Variants in TMCO4 observed in about 807,000 individuals in gnomAD.
The protein encoded by TMCO4 is transmembrane and coiled-coil domains 4, also known as transmembrane and coiled-coil domain-containing protein 4.
In TMCO4, 58 loss-of-function variants were observed where a neutral mutation model predicts 64.7. The ratio of observed to expected loss-of-function variants is 0.90; its 90% CI spans 0.73 to 1.12. The LOEUF (loss-of-function observed/expected upper bound fraction) is 1.12, where lower values mean the gene tolerates loss of function less well. TMCO4 is among the 50% of genes most tolerant of loss of function. TMCO4 has a pLI of 0.00. For missense variants in TMCO4, 780 were observed against 825.9 expected (o/e 0.94, Z 0.68); for synonymous variants, 325 against 346.1 (o/e 0.94, Z 0.68).
At chr1:19,729,999 C>T (rs1219742119) in intron 13 of TMCO4, among the ~76,000 whole-genome samples, 1 of 152,102 alleles carries the variant, frequency 6.6e-6, no homozygotes, top group African/African-American at 2.4e-5. Context: ...ACTTCACGGG[C>T]TCTTGTGAGA....
Position 19,732,308 on chromosome 1 carries a change from G to T in TMCO4, c.1264+5064C>A, listed in dbSNP as rs978761146. Among the ~76,000 whole-genome samples the T allele has an allele frequency of 3.9e-5, 6 of 151,942 alleles. No individual in the cohort carries two copies. Among genetic ancestry groups the T allele is most frequent in the Non-Finnish European group, 8.8e-5 (6 of 67,962 alleles). On this transcript the variant is annotated intron_variant, in intron 13 of 15. Coordinates refer to ENST00000294543, the MANE Select transcript of TMCO4 (RefSeq NM_181719.7). The surrounding 1 kb of genome is among the most constrained non-coding windows in gnomAD (Gnocchi z 4.8). ...TGCCTCAGCCTCCCAAGTAGCTGGG[G>T]CTACATGCACGTGCCACCATGCCTG...
At chr1:19,712,421 C>A (rs2100689072) in intron 13 of TMCO4, among the ~76,000 whole-genome samples, 1 of 151,914 alleles carries the variant, frequency 6.6e-6, no homozygotes, top group Admixed American at 6.5e-5. Flanking sequence ...GAGTTCGAGA[C>A]CAGCCTGGCC....
chr1:19,776,894 G>A (rs1355102587), intron 4 of TMCO4, among the ~76,000 whole-genome samples: 1 of 152,044 alleles, frequency 6.6e-6, no homozygotes, highest in Non-Finnish European at 1.5e-5. Flanking sequence ...AGGCATGGTG[G>A]CGTGCGCCTG....
intron 13 of TMCO4, among the ~76,000 whole-genome samples, chr1:19,736,327 T>C (rs1323844373): frequency 1.3e-5 from 2 of 152,098 alleles, no homozygotes; most frequent in Non-Finnish European, 2.9e-5. Flanking sequence ...CCTGATTCAA[T>C]TACCTCCCAC....
At chr1:19,786,564 G>A (rs1024876329) in intron 3 of TMCO4, among the ~76,000 whole-genome samples, 6 of 152,208 alleles carry the variant, frequency 3.9e-5, no homozygotes, top group Non-Finnish European at 8.8e-5. Context: ...GGGTGGGCGT[G>A]AAGAAATGAG....
chr1:19,710,578 C>A (rs944778190), intron 13 of TMCO4, among the ~76,000 whole-genome samples: 4 of 152,144 alleles, frequency 2.6e-5, no homozygotes, highest in Admixed American at 1.3e-4. Context: ...GGAAGCCTAG[C>A]CTCCGACACG....
At chr1:19,721,250 T>C (rs1386049172) in intron 13 of TMCO4, among the ~76,000 whole-genome samples, 52 of 152,092 alleles carry the variant, frequency 3.4e-4, no homozygotes, top group Non-Finnish European at 2.9e-5. Context: ...CAGGGCTCAC[T>C]GTGAGGGCCA....
In TMCO4 at chr1:19,693,164, C is replaced by CACAAAA. The variant is rs746759726; in HGVS notation, c.1500+1269_1500+1270insTTTTGT. On this transcript the variant is annotated intron_variant, in intron 15 of 15. Coordinates refer to ENST00000294543, the MANE Select transcript of TMCO4 (RefSeq NM_181719.7). ...CTCCAGCCTGAGCGAGACCCCATCT[C>CACAAAA]AAAAAAAAAAAAAAAAAAAAAAAAA... 4.0e-4 allele frequency among the ~76,000 whole-genome samples: 8 copies of CACAAAA among 19,980 alleles called. 1 individual carries two copies. Among genetic ancestry groups the CACAAAA allele is most frequent in the East Asian group, 1.6e-3 (1 of 632 alleles). 13.1% of individuals were successfully genotyped at this position (19,980 alleles called of 152,430 possible).
In TMCO4 at chr1:19,734,049, TTAC is replaced by T. The variant is rs887099007; in HGVS notation, c.1264+3320_1264+3322del. On this transcript the variant is annotated intron_variant, in intron 13 of 15. Transcript: ENST00000294543. The surrounding 1 kb of genome is among the most constrained non-coding windows in gnomAD (Gnocchi z 4.4). ...TATTCCATAAGTGTGTGCTGTGTGG[TTAC>T]TACTACTACTATTATCATCATTATT... is the stretch of plus-strand genomic sequence containing the variant. Among the ~76,000 whole-genome samples, 2 of 152,184 alleles carry T rather than the reference TTAC, an allele frequency of 1.3e-5. No homozygotes were observed. Among genetic ancestry groups the T allele is most frequent in the African/African-American group, 2.4e-5 (1 of 41,442 alleles).
At chr1:19,786,112 G>A (rs1411236216) in intron 3 of TMCO4, among the ~76,000 whole-genome samples, 4 of 152,156 alleles carry the variant, frequency 2.6e-5, no homozygotes, top group African/African-American at 9.7e-5. Flanking sequence ...GCCAGGCATG[G>A]TGGAGCATAC....
rs377495193 is a variant in TMCO4, at chr1:19,783,973, T to C, written c.-9+3053A>G. 1.5e-4 allele frequency among the ~76,000 whole-genome samples: 23 copies of C among 152,256 alleles called. No homozygotes were observed. The South Asian group carries it at 4.1e-3, about 27-fold the overall frequency. Reference sequence around the variant, plus strand: ...GGAACAGGGGCAACAGCATAAACCATGAACTAAGGGCAGTGCCAAGGGCAG... The same window carrying C: ...GGAACAGGGGCAACAGCATAAACCACGAACTAAGGGCAGTGCCAAGGGCAG... On this transcript the variant is annotated intron_variant, in intron 3 of 15. Transcript: ENST00000294543.
intron 11 of TMCO4, 91 bp downstream of exon 11, chr1:19,740,686 G>T: frequency 7.0e-7 from 1 of 1,418,944 alleles, no homozygotes; most frequent in Non-Finnish European, 9.6e-7. Context: ...TGCCTGCCCT[G>T]GGGGCTTTGG....
chr1:19,780,312 A>G (rs1041190712), intron 4 of TMCO4, among the ~76,000 whole-genome samples: 7 of 152,154 alleles, frequency 4.6e-5, no homozygotes, highest in African/African-American at 1.7e-4. Context: ...GTGGCTTAGT[A>G]TTCATAAAAT....
intron 15 of TMCO4, among the ~76,000 whole-genome samples, chr1:19,690,834 C>T (rs1212686512): frequency 6.7e-6 from 1 of 150,142 alleles, no homozygotes; most frequent in Non-Finnish European, 1.5e-5. Context: ...GCGAGGTTTA[C>T]AGCATGTGAG....
At chr1:19,781,504 T>A (rs2043475235) in intron 3 of TMCO4, among the ~76,000 whole-genome samples, 1 of 149,822 alleles carries the variant, frequency 6.7e-6, no homozygotes, top group Admixed American at 6.7e-5. Context: ...TATGAAAAGA[T>A]GTTCAACATC....
chr1:19,763,079 T>C (rs76342975), intron 6 of TMCO4, among the ~76,000 whole-genome samples: 48 of 149,332 alleles, frequency 3.2e-4, no homozygotes, highest in African/African-American at 1.2e-3. Flanking sequence ...TTTTTCTTTT[T>C]TTCTTTTTTT....
chr1:19,682,414 G>A lies in TMCO4; in HGVS notation c.*626C>T. ...TGTCCAGATGTTGCATGACGGGGGA[G>A]CACACTCACATTGTGTCTGTGTGAC... On this transcript the variant is annotated 3_prime_UTR_variant, in exon 16 of 16. Transcript: ENST00000294543. 1.8e-6 allele frequency: 1 copy of A among 562,822 alleles called. No homozygotes were observed. Among genetic ancestry groups the A allele is most frequent in the South Asian group, 2.3e-5 (1 of 42,674 alleles). 34.9% of individuals were successfully genotyped at this position (562,822 alleles called of 1,614,324 possible).
intron 7 of TMCO4, among the ~76,000 whole-genome samples, chr1:19,751,512 G>T (rs940639502): frequency 6.6e-6 from 1 of 152,106 alleles, no homozygotes. Context: ...TGGGAGGATC[G>T]CTTGAACCTG....
chr1:19,743,735 C>T lies in TMCO4; in HGVS notation c.877+1797G>A, dbSNP rs1226355571. ...CTTGTTCTTGCTCCTTCCTGTAGCA[C>T]GGTAAAATGAAAACAAATGAAAAAC... On this transcript the variant is annotated intron_variant, in intron 10 of 15. Coordinates refer to ENST00000294543, the MANE Select transcript of TMCO4 (RefSeq NM_181719.7). This position sits in a 1 kb window ranked among gnomAD's most constrained non-coding sequence, Gnocchi z 4.1. Among the ~76,000 whole-genome samples, 2 of 152,100 alleles carry T rather than the reference C, an allele frequency of 1.3e-5. No individual in the cohort carries two copies. Among genetic ancestry groups the T allele is most frequent in the East Asian group, 1.9e-4 (1 of 5,192 alleles).
Sources: gnomAD v4.1 joint callset for allele counts (sites outside exome capture counted in the v4.1 genomes callset) on GRCh38, gnomAD v4.1.1 for gene constraint, Gnocchi (gnomAD v3.1) non-coding constraint, MANE v1.5 for transcripts, NCBI Gene and HGNC (gene_info 2026-07-23, HGNC 2026-07-21) for gene names.